The following PCDH9 variants were observed in gnomAD, a reference collection of about 807,000 sequenced individuals.
PCDH9 encodes protocadherin 9.
PCDH9 carries 24 observed loss-of-function variants against 70.6 expected under a neutral mutation model. The ratio of observed to expected loss-of-function variants is 0.34; its 90% confidence interval spans 0.25 to 0.48. PCDH9 has a LOEUF of 0.48. PCDH9 is among the 20% of genes least tolerant of loss of function. The pLI is 0.99. For missense variants in PCDH9, 1,281 were observed against 1,503.6 expected, an observed-to-expected ratio of 0.85 and a Z score of 2.45; for synonymous variants, 562 against 558.5, an observed-to-expected ratio of 1.01 and a Z score of -0.09.
intron 2 of PCDH9, among the ~76,000 whole-genome samples, chr13:66,972,162 A>G (rs1040584372): frequency 1.3e-5 from 2 of 151,972 alleles, no homozygotes; most frequent in African/African-American, 4.8e-5. Context: ...ATGTACACAC[A>G]GAATCATACT....
At chr13:66,497,219 T>C (rs1388256015) in intron 4 of PCDH9, among the ~76,000 whole-genome samples, 1 of 151,808 alleles carries the variant, frequency 6.6e-6, no homozygotes, top group Non-Finnish European at 1.5e-5. Flanking sequence ...CAAGCATGTG[T>C]CACCACACCT....
intron 4 of PCDH9, among the ~76,000 whole-genome samples, chr13:66,339,045 G>A (rs1247257760): frequency 6.6e-6 from 1 of 151,986 alleles, no homozygotes; most frequent in Non-Finnish European, 1.5e-5. Flanking sequence ...CCAAAAACAT[G>A]CACATCCTTT....
intron 3 of PCDH9, among the ~76,000 whole-genome samples, chr13:66,752,185 G>A (rs2079470645): frequency 6.6e-6 from 1 of 152,142 alleles, no homozygotes; most frequent in Admixed American, 6.6e-5. Context: ...CTGGAATAGA[G>A]TAAGTAAGAA....
chr13:66,945,685 G>A (rs1431723687), intron 2 of PCDH9, among the ~76,000 whole-genome samples: 2 of 152,042 alleles, frequency 1.3e-5, no homozygotes, highest in African/African-American at 2.4e-5. Flanking sequence ...TTGGACTCTT[G>A]TAAAATATTT....
At chr13:66,810,492 A>T (rs184600002) in intron 3 of PCDH9, among the ~76,000 whole-genome samples, 1 of 152,142 alleles carries the variant, frequency 6.6e-6, no homozygotes, top group East Asian at 1.9e-4. Context: ...AGAGCTTATA[A>T]TATTCTTGGG....
chr13:66,882,976 G>A (rs1380521388), intron 3 of PCDH9, among the ~76,000 whole-genome samples: 1 of 152,132 alleles, frequency 6.6e-6, no homozygotes, highest in Admixed American at 6.5e-5. Flanking sequence ...GACTTTCAAA[G>A]TCTTTATCAT....
chr13:66,838,454 A>G (rs186771335), intron 3 of PCDH9, among the ~76,000 whole-genome samples: 305 of 152,246 alleles, frequency 2.0e-3, no homozygotes, highest in Non-Finnish European at 1.8e-3. Context: ...AATACTTTGT[A>G]CACATTCATA....
chr13:66,840,403 T>C (rs2081096539), intron 3 of PCDH9, among the ~76,000 whole-genome samples: 2 of 152,214 alleles, frequency 1.3e-5, no homozygotes, highest in African/African-American at 2.4e-5. Flanking sequence ...GACTTATTCA[T>C]GGGCATTGAT....
chr13:66,781,881 C>T (rs1380728904), intron 3 of PCDH9, among the ~76,000 whole-genome samples: 4 of 8,700 alleles, frequency 4.6e-4, no homozygotes, highest in South Asian at 0.062. Context: ...GGCTACATCT[C>T]GGGCTCAATC....
chr13:66,611,308 C>A (rs977517636), intron 4 of PCDH9, among the ~76,000 whole-genome samples: 1 of 152,046 alleles, frequency 6.6e-6, no homozygotes, highest in Non-Finnish European at 1.5e-5. Context: ...CAAATTATGA[C>A]TAATTACAAA....
intron 4 of PCDH9, among the ~76,000 whole-genome samples, chr13:66,477,326 G>A (rs1247650134): frequency 3.9e-5 from 6 of 152,022 alleles, no homozygotes; most frequent in African/African-American, 7.2e-5. Flanking sequence ...TAATTAATAC[G>A]ATTATTGTGA....
chr13:66,653,423 T>C (rs948434124), intron 3 of PCDH9, among the ~76,000 whole-genome samples: 3 of 152,128 alleles, frequency 2.0e-5, no homozygotes, highest in South Asian at 2.1e-4. Context: ...CTCAACATCA[T>C]TGATCATCAG....
At chr13:66,306,810 T>A (rs923420752) in intron 4 of PCDH9, among the ~76,000 whole-genome samples, 3 of 152,004 alleles carry the variant, frequency 2.0e-5, no homozygotes, top group Non-Finnish European at 4.4e-5. Flanking sequence ...AATTTAAACT[T>A]CTCTATGAGC....
intron 3 of PCDH9, among the ~76,000 whole-genome samples, chr13:66,739,449 C>A (rs1284702977): frequency 2.0e-5 from 3 of 150,408 alleles, no homozygotes; most frequent in Non-Finnish European, 4.4e-5. Context: ...AGCAAAATCA[C>A]CAGCTAACAT....
At chr13:67,014,264 T>C (rs915657161) in intron 2 of PCDH9, among the ~76,000 whole-genome samples, 4 of 152,098 alleles carry the variant, frequency 2.6e-5, no homozygotes, top group African/African-American at 7.2e-5. Flanking sequence ...ATTGATGCCC[T>C]TTGTAGAAAC....
chr13:66,582,938 C>G (rs1275602105), intron 4 of PCDH9, among the ~76,000 whole-genome samples: 1 of 152,086 alleles, frequency 6.6e-6, no homozygotes, highest in Non-Finnish European at 1.5e-5. Context: ...TCTATTTACT[C>G]TCCACCCAAA....
At chr13:66,823,036 G>A (rs942011782) in intron 3 of PCDH9, among the ~76,000 whole-genome samples, 4 of 151,648 alleles carry the variant, frequency 2.6e-5, no homozygotes, top group South Asian at 2.1e-4. Context: ...TTTAGATATC[G>A]TAATACATAA....
At chr13:67,220,851 T>G (rs1041084415) in intron 2 of PCDH9, 2 of 152,070 alleles carry the variant, frequency 1.3e-5, no homozygotes, top group African/African-American at 4.8e-5. Context: ...CCAAAATGCG[T>G]CTTGAATTTT....
chr13:66,771,081 T>C (rs956664727), intron 3 of PCDH9, among the ~76,000 whole-genome samples: 1 of 152,108 alleles, frequency 6.6e-6, no homozygotes, highest in African/African-American at 2.4e-5. Flanking sequence ...TATTTACTTA[T>C]TTTTTTAAGA....
Sources: gnomAD v4.1 joint callset for allele counts (sites outside exome capture counted in the v4.1 genomes callset) on GRCh38, gnomAD v4.1.1 for gene constraint, MANE v1.5 for transcripts, NCBI Gene and HGNC (gene_info 2026-07-23, HGNC 2026-07-21) for gene names.